ACER1: variants seen among roughly 807,000 people sequenced by gnomAD.
ACER1 encodes CTB-180A7.3.
In ACER1, 28 loss-of-function variants were observed where a neutral mutation model predicts 24.9. That is an observed-to-expected ratio of 1.13 (90% CI 0.83 to 1.54). The LOEUF is 1.54. Among genes scored for constraint, ACER1 ranks in the 40% most tolerant of loss-of-function variants. The pLI is 0.00. For missense variants in ACER1, 352 were observed against 349.3 expected (o/e 1.01, Z -0.06); for synonymous variants, 132 against 131.4 (o/e 1.00, Z -0.03).
chr19:6,348,236 G>A, the ACER1 span, among the ~76,000 whole-genome samples: 9,016 of 151,642 alleles, frequency 0.059, 383 homozygotes, highest in African/African-American at 0.12. Flanking sequence ...AGGCCGAGGC[G>A]GGTGGATCAC....
intron 1 of ACER1, among the ~76,000 whole-genome samples, chr19:6,317,407 G>A (rs1336351092): frequency 6.6e-6 from 1 of 152,238 alleles, no homozygotes; most frequent in Non-Finnish European, 1.5e-5. Flanking sequence ...CTTCTCTTCA[G>A]TGGTCCAAGG....
the ACER1 span, among the ~76,000 whole-genome samples, chr19:6,347,945 G>A: frequency 2.0e-5 from 3 of 149,900 alleles, no homozygotes; most frequent in Non-Finnish European, 3.0e-5. Context: ...ATCCCAGCAC[G>A]TTGGGAGGCC....
At chr19:6,350,440 G>A in the ACER1 span, among the ~76,000 whole-genome samples, 15 of 151,866 alleles carry the variant, frequency 9.9e-5, no homozygotes, top group Non-Finnish European at 1.3e-4. Context: ...GCATGGTGGC[G>A]CATGCCTGTA....
At chr19:6,353,686 G>T in the ACER1 span, among the ~76,000 whole-genome samples, 1 of 151,532 alleles carries the variant, frequency 6.6e-6, no homozygotes, top group Non-Finnish European at 1.5e-5. Flanking sequence ...TTAGCCTGGC[G>T]TGGTGGCACG....
chr19:6,356,002 T>C, the ACER1 span, among the ~76,000 whole-genome samples: 5,389 of 147,800 alleles, frequency 0.036, 139 homozygotes, highest in African/African-American at 0.055. Context: ...CGGGCCATGA[T>C]GACAATGGCG....
chr19:6,349,615 G>T, the ACER1 span, among the ~76,000 whole-genome samples: 1 of 152,104 alleles, frequency 6.6e-6, no homozygotes, highest in Non-Finnish European at 1.5e-5. Flanking sequence ...AATCGGCGAG[G>T]GACTCTGGAG....
At chr19:6,350,084 C>T in the ACER1 span, among the ~76,000 whole-genome samples, 1 of 151,930 alleles carries the variant, frequency 6.6e-6, no homozygotes, top group East Asian at 1.9e-4. Context: ...TGAGCCATGA[C>T]TGCACTACCG....
At chr19:6,351,602 A>C in the ACER1 span, among the ~76,000 whole-genome samples, 1 of 150,892 alleles carries the variant, frequency 6.6e-6, no homozygotes, top group African/African-American at 2.4e-5. Flanking sequence ...GGTGTATTGT[A>C]TGCACATGTG....
At chr19:6,317,642 C>G (rs1395116676) in intron 1 of ACER1, among the ~76,000 whole-genome samples, 1 of 152,216 alleles carries the variant, frequency 6.6e-6, no homozygotes, top group Non-Finnish European at 1.5e-5. Flanking sequence ...GTGTCTGGGC[C>G]TTCAATAAAT....
chr19:6,311,302 G>T (rs1600234806), intron 3 of ACER1, among the ~76,000 whole-genome samples: 1 of 152,032 alleles, frequency 6.6e-6, no homozygotes, highest in South Asian at 2.1e-4. Context: ...CCAGCACTTT[G>T]GGAGGCCAAG....
chr19:6,316,679 G>A (rs2091604636), intron 1 of ACER1, among the ~76,000 whole-genome samples: 1 of 151,722 alleles, frequency 6.6e-6, no homozygotes, highest in African/African-American at 2.4e-5. Flanking sequence ...AATTAGCCGA[G>A]CATGGTGGTG....
At chr19:6,350,352 G>A in the ACER1 span, among the ~76,000 whole-genome samples, 1 of 151,948 alleles carries the variant, frequency 6.6e-6, no homozygotes, top group Non-Finnish European at 1.5e-5. Context: ...GTATACATAT[G>A]TAACAAACCT....
At chr19:6,307,000 C>T (rs2091555621) in intron 5 of ACER1, 118 bp from the exon 6 acceptor site, 1 of 1,487,562 alleles carries the variant, frequency 6.7e-7, no homozygotes, top group Non-Finnish European at 9.1e-7. Flanking sequence ...TGGGTCTGGC[C>T]CCGTGACTGC....
intron 3 of ACER1, among the ~76,000 whole-genome samples, chr19:6,310,585 A>T (rs1026678354): frequency 6.0e-5 from 9 of 151,052 alleles, no homozygotes; most frequent in Non-Finnish European, 1.5e-5. Context: ...CGACAACAAG[A>T]AAAAGGGTCC....
At chr19:6,318,700 G>T in intron 1 of ACER1, among the ~76,000 whole-genome samples, 1 of 149,858 alleles carries the variant, frequency 6.7e-6, no homozygotes. Flanking sequence ...GCAGAAGAAT[G>T]GCGTGAACCC....
At chr19:6,318,962 G>A (rs1017936531) in intron 1 of ACER1, among the ~76,000 whole-genome samples, 3 of 151,300 alleles carry the variant, frequency 2.0e-5, no homozygotes, top group African/African-American at 4.9e-5. Flanking sequence ...GTTTCTCTTC[G>A]CTTGTATCAG....
At chr19:6,317,086 G>A (rs907072897) in intron 1 of ACER1, among the ~76,000 whole-genome samples, 3 of 147,642 alleles carry the variant, frequency 2.0e-5, no homozygotes, top group African/African-American at 7.5e-5. Flanking sequence ...CGATTCTCCT[G>A]CCTCAGCCTC....
upstream of ACER1, among the ~76,000 whole-genome samples, chr19:6,336,798 C>T (rs1457248525): frequency 7.5e-6 from 1 of 133,512 alleles, no homozygotes; most frequent in East Asian, 2.2e-4. Context: ...TCAGCCCGGG[C>T]GACAGATCGA....
intron 1 of ACER1, among the ~76,000 whole-genome samples, chr19:6,327,193 G>C (rs2091665362): frequency 6.6e-6 from 1 of 152,212 alleles, no homozygotes; most frequent in African/African-American, 2.4e-5. Flanking sequence ...CACTTTTAGA[G>C]ATTGAGGCAG....
Sources: gnomAD v4.1 joint callset for allele counts (sites outside exome capture counted in the v4.1 genomes callset) on GRCh38, gnomAD v4.1.1 for gene constraint, MANE v1.5 for transcripts, NCBI Gene and HGNC (gene_info 2026-07-23, HGNC 2026-07-21) for gene names.